Variants in INCENP observed in about 807,000 individuals in gnomAD.
The protein encoded by INCENP is binds and activates aurora-B and -C in vivo and in vitro.
A neutral mutation model predicts 107.3 loss-of-function variants in INCENP; 43 were observed. The observed-to-expected ratio is 0.40, with a 90% CI of 0.31 to 0.52. INCENP has a LOEUF of 0.52. INCENP is among the 20% of genes least tolerant of loss of function. INCENP has a pLI of 0.53. For missense variants in INCENP, 1,089 were observed against 1,250.9 expected, an observed-to-expected ratio of 0.87 and a Z score of 1.95; for synonymous variants, 488 against 494.4, an observed-to-expected ratio of 0.99 and a Z score of 0.17.
At chr11:62,127,286 G>A (rs1943773113) in intron 1 of INCENP, among the ~76,000 whole-genome samples, 2 of 152,002 alleles carry the variant, frequency 1.3e-5, no homozygotes, top group South Asian at 2.1e-4. Flanking sequence ...TACCTGCCTC[G>A]GCCTCCCAAA....
chr11:62,127,734 G>A (rs545826989), intron 1 of INCENP, among the ~76,000 whole-genome samples: 1 of 152,350 alleles, frequency 6.6e-6, no homozygotes, highest in Non-Finnish European at 1.5e-5. Context: ...GCCTACTGGA[G>A]AGCGAGAGCA....
chr11:62,140,764 TGAG>T lies in INCENP; in HGVS notation c.1408_1410del (p.Glu470del). The T allele has an allele frequency of 6.2e-7, 1 of 1,609,968 alleles. No homozygotes were observed. Among genetic ancestry groups the T allele is most frequent in the Non-Finnish European group, 8.5e-7 (1 of 1,178,900 alleles). On this transcript the variant is annotated inframe_deletion, in exon 9 of 19. Transcript: ENST00000394818. ...TGGACGAGGAGCAGCACCTGGAGGA[TGAG>T]GAGCTGCAGCCCCCCAGGAGCAAGA... is the stretch of plus-strand genomic sequence containing the variant.
At position 62,140,966 on chromosome 11, in the gene INCENP, C is replaced by G; in HGVS notation, c.1515C>G (p.Leu505=). ...FLHTVQRNQM[L]MTPTSAPRSV... is the part of the protein sequence containing the mutation. ...ACACAGTGCAGAGGAACCAGATGCTCATGACCCCGACCTCAGCCCCACGCA... is the reference window on the plus strand; with the variant it reads ...ACACAGTGCAGAGGAACCAGATGCTGATGACCCCGACCTCAGCCCCACGCA... The change falls in exon 10 of 19, where the codon CTC becomes CTG. Residue 505 remains leucine (L), a synonymous_variant. Coordinates refer to ENST00000394818, the MANE Select transcript of INCENP (RefSeq NM_001040694.2). The G allele has an allele frequency of 6.2e-7, 1 of 1,614,242 alleles. No homozygotes were observed. The highest frequency in any genetic ancestry group is 8.5e-7 in the Non-Finnish European group (1 of 1,180,044).
rs1055814954 is a variant in INCENP at position 62,130,936 on chromosome 11, C to T, written c.1063+346C>T. Among the ~76,000 whole-genome samples, 6 of 152,218 alleles carry T rather than the reference C, an allele frequency of 3.9e-5. No individual in the cohort carries two copies. In the East Asian group the frequency reaches 7.7e-4, roughly 20 times the overall value. ...TGAGGAAACTGAGCTTCGGGAAGGT[C>T]GGCCACTGTGTGGCTGTGGTTACTG... On this transcript the variant is annotated intron_variant, in intron 4 of 18. Coordinates refer to ENST00000394818, the MANE Select transcript of INCENP (RefSeq NM_001040694.2).
Position 62,135,848 on chromosome 11 carries a change from T to C in INCENP, c.1064-1984T>C, listed in dbSNP as rs1439496027. 3.3e-5 allele frequency among the ~76,000 whole-genome samples: 5 copies of C among 151,914 alleles called. No individual in the cohort carries two copies. The East Asian group carries it at 5.8e-4, about 18-fold the overall frequency. ...TTTTTGAGATGGAGTCTTGCTCTGT[T>C]GCCCAGGCTGGAGTGCAGTGGCACA... On this transcript the variant is annotated intron_variant, in intron 4 of 18. Transcript: ENST00000394818.
intron 10 of INCENP, among the ~76,000 whole-genome samples, 195 bp from the exon 11 acceptor site, chr11:62,141,305 G>A (rs1944116686): frequency 6.6e-6 from 1 of 152,194 alleles, no homozygotes; most frequent in African/African-American, 2.4e-5. Context: ...GATCTGTGTA[G>A]TTAAGGTGAG....
Position 62,152,356 on chromosome 11 carries a change from G to T in INCENP, c.*380G>T, listed in dbSNP as rs939298116. ...GCTGTTGATACCATGAAGACTGGGC[G>T]CCTCAGTCCCAGCCCTGTAGCTGTG... On this transcript the variant is annotated 3_prime_UTR_variant, in exon 19 of 19. Coordinates refer to ENST00000394818, the MANE Select transcript of INCENP (RefSeq NM_001040694.2). The T allele has an allele frequency of 2.0e-5, 5 of 246,178 alleles. No homozygotes were observed. The East Asian group carries it at 5.7e-4, about 28-fold the overall frequency. The allele number at this position is 246,178 out of a possible 1,614,324, so 15.2% of individuals were successfully genotyped here.
intron 5 of INCENP, among the ~76,000 whole-genome samples, chr11:62,138,495 A>T (rs1403892581): frequency 6.6e-6 from 1 of 152,150 alleles, no homozygotes; most frequent in Non-Finnish European, 1.5e-5. Context: ...CAGGGAGATG[A>T]AGCCACATTC....
At chr11:62,135,251 CTTTGTTTTGTTTTTT>C (rs767039052) in intron 4 of INCENP, among the ~76,000 whole-genome samples, 7 of 151,940 alleles carry the variant, frequency 4.6e-5, no homozygotes, top group Non-Finnish European at 1.0e-4. Context: ...CTACCTTGCA[CTTTGTTTTGTTTTTT>C]TTTGTTTTGT....
At chr11:62,146,967 T>G (rs1944265215) in intron 15 of INCENP, 65 bp downstream of exon 15, 4 of 1,577,696 alleles carry the variant, frequency 2.5e-6, no homozygotes, top group African/African-American at 1.3e-5. Flanking sequence ...GTGTGAACCT[T>G]GCCTGGACAC....
In INCENP at chr11:62,138,720, C is replaced by T; in HGVS notation, c.1123C>T (p.Gln375Ter). Residue 375 changes from glutamine (Q) to a stop codon, truncating the protein, a stop_gained, in exon 6 of 19, where the codon CAG becomes TAG. Transcript: ENST00000394818. LOFTEE classifies it high-confidence loss of function. ...TCCCTCTTCTGTTTTCAGTTCTGAG[C>T]AGAAGGAACCCCCCGAGGAGGCTGA... is the stretch of plus-strand genomic sequence containing the variant. The part of the protein sequence containing the change: ...VEVPQKVGSE[Q>*]KEPPEEAEPV... 6.2e-7 allele frequency: 1 copy of T among 1,614,104 alleles called. No homozygotes were observed. The highest frequency in any genetic ancestry group is 8.5e-7 in the Non-Finnish European group (1 of 1,179,990).
chr11:62,130,455 C>T lies in INCENP; in HGVS notation c.928C>T (p.Pro310Ser), dbSNP rs1565091987. 2 of 1,614,096 alleles carry T rather than the reference C, an allele frequency of 1.2e-6. No individual in the cohort carries two copies. Among genetic ancestry groups the T allele is most frequent in the Admixed American group, 1.7e-5 (1 of 60,032 alleles). The change falls in exon 4 of 19, where the codon CCG becomes TCG. Residue 310 changes from proline to serine, a missense_variant. Transcript: ENST00000394818. Reference sequence around the variant, plus strand: ...ATCGGTGCGGCACAGCCCGATCGCCCCGTCTTCCCCGAGTCCCCAAGTCTT... The same window carrying T: ...ATCGGTGCGGCACAGCCCGATCGCCTCGTCTTCCCCGAGTCCCCAAGTCTT... ...SQSVRHSPIA[P>S]SSPSPQVLAQ...
rs1943868597 is a variant in INCENP at position 62,130,493 on chromosome 11, C to T, written c.966C>T (p.Tyr322=). ...SPSPQVLAQK[Y]SLVAKQESVV... is the part of the protein sequence containing the mutation. The stretch of plus-strand genomic sequence containing the variant: ...GTCCCCAAGTCTTAGCCCAGAAGTA[C>T]TCTCTGGTGGCCAAACAGGAAAGTG... The change falls in exon 4 of 19, where the codon TAC becomes TAT. Residue 322 remains tyrosine (Y), a synonymous_variant. Coordinates refer to ENST00000394818, the MANE Select transcript of INCENP (RefSeq NM_001040694.2). 1 of 1,614,112 alleles carries T rather than the reference C, an allele frequency of 6.2e-7. No individual in the cohort carries two copies. The highest frequency in any genetic ancestry group is 1.7e-5 in the Admixed American group (1 of 60,030).
rs745949765 is a variant in INCENP, at chr11:62,145,052, TGGA to T, written c.1683_1685del (p.Glu561del). The T allele has an allele frequency of 6.2e-7, 1 of 1,612,802 alleles. No homozygotes were observed. The highest frequency in any genetic ancestry group is 2.2e-5 in the East Asian group (1 of 44,852). On this transcript the variant is annotated inframe_deletion, in exon 12 of 19. Transcript: ENST00000394818. Reference sequence around the variant, plus strand: ...GCCGAGCAGCTGCGCAGGCAGAAGGTGGAGGAGGACAAGCGGCGGCGGCTGGAG... The same window carrying T: ...GCCGAGCAGCTGCGCAGGCAGAAGGTGGAGGACAAGCGGCGGCGGCTGGAG...
intron 6 of INCENP, 42 bp from the exon 7 acceptor site, chr11:62,138,846 G>A (rs199853347): frequency 3.2e-5 from 52 of 1,605,576 alleles, no homozygotes; most frequent in Non-Finnish European, 4.4e-5. Flanking sequence ...CTGGGCCTTG[G>A]GTTCCAGGTC....
In INCENP at chr11:62,130,356, T is replaced by A. The variant is rs1943862183; in HGVS notation, c.829T>A (p.Trp277Arg). ...CTCGCCAGCCTTTCCAGATTCTCCA[T>A]GGCGGGAGCGGGTGCTGGCTCCCAT... ...RDSPAFPDSP[W>R]RERVLAPILP... Residue 277 changes from tryptophan (W) to arginine (R), a missense_variant, in exon 4 of 19, where the codon TGG becomes AGG. Trp to Arg is a moderately radical substitution (Grantham distance 101). Transcript: ENST00000394818. The A allele has an allele frequency of 6.2e-7, 1 of 1,612,226 alleles. No individual in the cohort carries two copies. The highest frequency in any genetic ancestry group is 1.7e-5 in the Admixed American group (1 of 59,992).
rs762187674 is a variant in INCENP at position 62,148,845 on chromosome 11, A to G, written c.2390A>G (p.Gln797Arg). The G allele has an allele frequency of 1.3e-6, 2 of 1,599,686 alleles. No individual in the cohort carries two copies. The highest frequency in any genetic ancestry group is 1.7e-6 in the Non-Finnish European group (2 of 1,172,462). The change falls in exon 17 of 19, where the codon CAG (glutamine) becomes CGG (arginine). Residue 797 changes from glutamine to arginine, a missense_variant and splice_region_variant. Transcript: ENST00000394818. Reference sequence around the variant, plus strand: ...GCCCTGAATGTGACTGTGGACGTGCAGGTGCCACCTGGGCCCCAGTGGAGA... The same window carrying G: ...GCCCTGAATGTGACTGTGGACGTGCGGGTGCCACCTGGGCCCCAGTGGAGA... Reference protein sequence around the residue: ...SKALNVTVDVQSPACTSYQMT... With the variant: ...SKALNVTVDVRSPACTSYQMT...
At chr11:62,141,667 G>A in intron 11 of INCENP, 156 bp downstream of exon 11, 1 of 978,642 alleles carries the variant, frequency 1.0e-6, no homozygotes, top group Non-Finnish European at 1.6e-6. Context: ...GGGTGCACTG[G>A]CTGGAGGCGC....
chr11:62,141,918 A>G (rs1944133524), intron 11 of INCENP, among the ~76,000 whole-genome samples: 1 of 152,236 alleles, frequency 6.6e-6, no homozygotes. Flanking sequence ...AGACCTGAGC[A>G]GTAGCCTTGA....
Sources: gnomAD v4.1 joint callset for allele counts (sites outside exome capture counted in the v4.1 genomes callset) on GRCh38, gnomAD v4.1.1 for gene constraint, MANE v1.5 for transcripts, NCBI Gene and HGNC (gene_info 2026-07-23, HGNC 2026-07-21) for gene names.